The following MIA2 variants were observed in gnomAD, a reference collection of about 807,000 sequenced individuals.
MIA2 encodes the protein melanoma inhibitory activity protein 2.
In MIA2, 127 loss-of-function variants were observed where a neutral mutation model predicts 167.8. The ratio of observed to expected loss-of-function variants is 0.76; its 90% CI spans 0.66 to 0.88. The LOEUF (loss-of-function observed/expected upper bound fraction) is 0.88. Among genes scored for constraint, MIA2 ranks in the 40% least tolerant of loss-of-function variants. The pLI is 0.00. For missense variants in MIA2, 1,690 were observed against 1,624.7 expected (o/e 1.04, Z -0.69); for synonymous variants, 552 against 541.9 (o/e 1.02, Z -0.26).
chr14:39,327,725 T>TAG (rs2067873755), intron 25 of MIA2, among the ~76,000 whole-genome samples: 1 of 152,188 alleles, frequency 6.6e-6, no homozygotes, highest in Non-Finnish European at 1.5e-5. Context: ...GGTGTTTGGT[T>TAG]TTCTGTTCCT....
intron 13 of MIA2, 99 bp from the exon 14 acceptor site, chr14:39,299,764 GC>G (rs2062096237): frequency 1.2e-5 from 15 of 1,255,084 alleles, no homozygotes; most frequent in Admixed American, 2.8e-5. Flanking sequence ...GAAAATAGGA[GC>G]CATGTTTTTC....
At chr14:39,376,893 T>C (rs777826755) in intron 23 of MIA2, among the ~76,000 whole-genome samples, 4 of 152,230 alleles carry the variant, frequency 2.6e-5, no homozygotes, top group South Asian at 4.1e-4. Context: ...GATAAGGTGA[T>C]AGAGTGGAGA....
intron 9 of MIA2, among the ~76,000 whole-genome samples, chr14:39,281,166 C>T (rs2058874957): frequency 6.6e-6 from 1 of 152,046 alleles, no homozygotes; most frequent in African/African-American, 2.4e-5. Flanking sequence ...TTCAAGCAAT[C>T]CTCCCGTCTT....
At chr14:39,267,822 C>G (rs566806358) in intron 6 of MIA2, among the ~76,000 whole-genome samples, 6 of 152,260 alleles carry the variant, frequency 3.9e-5, no homozygotes, top group African/African-American at 1.4e-4. Context: ...TTAGCCTTTC[C>G]GCTATGTTGT....
intron 23 of MIA2, among the ~76,000 whole-genome samples, chr14:39,372,915 A>G (rs2074975740): frequency 6.6e-6 from 1 of 152,208 alleles, no homozygotes; most frequent in African/African-American, 2.4e-5. Flanking sequence ...TGAGGATGCA[A>G]TAAAAAGTGT....
intron 23 of MIA2, among the ~76,000 whole-genome samples, chr14:39,383,761 A>G (rs1415608118): frequency 6.6e-6 from 1 of 152,196 alleles, no homozygotes; most frequent in Non-Finnish European, 1.5e-5. Flanking sequence ...AGTGGTCTGG[A>G]TAGAAGATGA....
At chr14:39,378,650 A>G (rs1316440157) in intron 23 of MIA2, among the ~76,000 whole-genome samples, 1 of 152,224 alleles carries the variant, frequency 6.6e-6, no homozygotes, top group Non-Finnish European at 1.5e-5. Context: ...CTAAAACATC[A>G]GAATCACAGG....
intron 25 of MIA2, 76 bp downstream of exon 25, chr14:39,327,098 A>G (rs1456444271): frequency 2.5e-6 from 3 of 1,177,798 alleles, no homozygotes; most frequent in Non-Finnish European, 3.4e-6. Flanking sequence ...GGAAGAAGGG[A>G]GGAGTATATG....
In MIA2 at chr14:39,259,123, C is replaced by T. The variant is rs116637992; in HGVS notation, c.1887+5952C>T. Among the ~76,000 whole-genome samples, 285 of 152,368 alleles carry T rather than the reference C, an allele frequency of 1.9e-3. 1 individual carries two copies. Among genetic ancestry groups the T allele is most frequent in the African/African-American group, 6.4e-3 (265 of 41,592 alleles). ...CTGGTGCGCTGTGCTGATAGAATCC[C>T]TCTTGTTAGGATCAGTTGCTCTCTT... On this transcript the variant is annotated intron_variant, in intron 6 of 28. Transcript: ENST00000640607.
chr14:39,296,976 C>G (rs1243099732), intron 13 of MIA2, among the ~76,000 whole-genome samples: 1 of 150,258 alleles, frequency 6.7e-6, no homozygotes, highest in African/African-American at 2.5e-5. Flanking sequence ...GGAGTTTCAC[C>G]ATGTTGGCCA....
chr14:39,270,546 A>G (rs1363096519), intron 6 of MIA2, among the ~76,000 whole-genome samples: 1 of 147,838 alleles, frequency 6.8e-6, no homozygotes, highest in Non-Finnish European at 1.5e-5. Flanking sequence ...TTGTTTTTTA[A>G]GAGATGGGGT....
chr14:39,326,534 A>G (rs2067582714), intron 24 of MIA2, among the ~76,000 whole-genome samples: 1 of 151,820 alleles, frequency 6.6e-6, no homozygotes, highest in South Asian at 2.1e-4. Flanking sequence ...ACTGTTTTAA[A>G]GGAATCATGC....
chr14:39,282,120 A>G lies in MIA2; in HGVS notation c.2130+2583A>G, dbSNP rs184823009. ...GGTTATTTTATATGAAGTGTCAGTG[A>G]TAATATAATAAAAATTGTAAAGATA... On this transcript the variant is annotated intron_variant, in intron 9 of 28. Transcript: ENST00000640607. Among the ~76,000 whole-genome samples the G allele has an allele frequency of 3.5e-3, 540 of 152,222 alleles. 2 individuals carry two copies. The highest frequency in any genetic ancestry group is 5.7e-3 in the Non-Finnish European group (388 of 68,012).
chr14:39,272,076 G>T (rs1040019067), intron 6 of MIA2, among the ~76,000 whole-genome samples: 1 of 152,104 alleles, frequency 6.6e-6, no homozygotes, highest in Non-Finnish European at 1.5e-5. Context: ...TTAGGAGGCC[G>T]GGTGCGGTGG....
chr14:39,239,573 A>T (rs1171133746), intron 2 of MIA2, among the ~76,000 whole-genome samples: 1 of 152,162 alleles, frequency 6.6e-6, no homozygotes, highest in East Asian at 1.9e-4. Context: ...AACAAAAACA[A>T]AAACAAAAAC....
intron 25 of MIA2, among the ~76,000 whole-genome samples, chr14:39,331,140 C>T (rs969945970): frequency 1.3e-5 from 2 of 152,040 alleles, no homozygotes; most frequent in African/African-American, 4.8e-5. Flanking sequence ...TCTGCATGCT[C>T]ATGTATTGGG....
At chr14:39,261,235 C>T (rs35065854) in intron 6 of MIA2, among the ~76,000 whole-genome samples, 41,494 of 151,702 alleles carry the variant, frequency 0.27, 5,913 homozygotes, top group East Asian at 0.5. Flanking sequence ...TGAGAATATG[C>T]GGTGTTTGGT....
intron 6 of MIA2, among the ~76,000 whole-genome samples, chr14:39,259,989 C>G (rs1443606174): frequency 1.3e-5 from 2 of 152,048 alleles, no homozygotes; most frequent in Non-Finnish European, 2.9e-5. Context: ...ATAGTTTGCT[C>G]AGAATGATGG....
intron 23 of MIA2, among the ~76,000 whole-genome samples, chr14:39,358,061 G>T (rs2074576531): frequency 1.3e-5 from 2 of 152,140 alleles, no homozygotes; most frequent in South Asian, 4.2e-4. Context: ...GAGTATCTTT[G>T]TGGTGGTCTC....
Sources: allele counts gnomAD v4.1 joint callset (sites outside exome capture counted in the v4.1 genomes callset), GRCh38; gene constraint gnomAD v4.1.1; transcripts MANE v1.5; gene names NCBI Gene and HGNC (gene_info 2026-07-23, HGNC 2026-07-21).